DAB1: variants seen among roughly 807,000 people sequenced by gnomAD.
DAB1 encodes the protein disabled homolog 1.
In DAB1, 15 loss-of-function variants were observed where a neutral mutation model predicts 64.6. The ratio of observed to expected loss-of-function variants is 0.23; its 90% CI spans 0.16 to 0.36. The LOEUF (loss-of-function observed/expected upper bound fraction) is 0.36. DAB1 is among the 10% of genes least tolerant of loss of function. DAB1 has a pLI of 1.00. For synonymous variants in DAB1, 235 were observed against 251.9 expected (o/e 0.93, Z 0.64); for missense variants, 596 against 706.7 (o/e 0.84, Z 1.78).
chr1:57,444,493 G>A (rs1221156466), intron 7 of DAB1, among the ~76,000 whole-genome samples: 3 of 152,122 alleles, frequency 2.0e-5, no homozygotes, highest in Non-Finnish European at 4.4e-5. Context: ...TATTGACTAT[G>A]TCCTAATCCC....
intron 4 of DAB1, among the ~76,000 whole-genome samples, chr1:58,166,406 T>G (rs1384584886): frequency 6.6e-6 from 1 of 152,240 alleles, no homozygotes; most frequent in Non-Finnish European, 1.5e-5. Flanking sequence ...ACAAATAGAA[T>G]TGTATGTGAT....
rs939002252 is a variant in DAB1, at chr1:58,146,915, T to G, written n.387+3596A>C. ...AGTGAACATGATATTACCTCACACC[T>G]GTTAGGATGGCTATTATCAAAAAGA... On this transcript the variant is annotated intron_variant and non_coding_transcript_variant, in intron 5 of 20. Coordinates refer to the DAB1 transcript ENST00000485760. 2.4e-4 allele frequency among the ~76,000 whole-genome samples: 37 copies of G among 152,090 alleles called. 1 individual carries two copies. The highest frequency in any genetic ancestry group is 2.8e-4 in the Non-Finnish European group (19 of 68,018).
At chr1:57,830,588 AAT>A (rs1441742087) in intron 1 of DAB1, among the ~76,000 whole-genome samples, 1 of 151,420 alleles carries the variant, frequency 6.6e-6, no homozygotes, top group Non-Finnish European at 1.5e-5. Flanking sequence ...ACACATGAAA[AAT>A]ATATATATAT....
At chr1:57,337,561 G>GT (rs34759218) in intron 1 of DAB1, among the ~76,000 whole-genome samples, 3,266 of 152,040 alleles carry the variant, frequency 0.021, 44 homozygotes, top group South Asian at 0.052. Flanking sequence ...TCTCTCCTAT[G>GT]TTTTTTTTCC....
intron 5 of DAB1, among the ~76,000 whole-genome samples, chr1:58,132,337 C>T (rs141586205): frequency 2.4e-4 from 36 of 152,276 alleles, no homozygotes; most frequent in African/African-American, 8.7e-4. Context: ...TGCACGCACC[C>T]ACTGACCTGC....
At chr1:57,811,581 G>C (rs548817347) in intron 6 of DAB1, among the ~76,000 whole-genome samples, 18 of 152,120 alleles carry the variant, frequency 1.2e-4, no homozygotes, top group Non-Finnish European at 2.1e-4. Flanking sequence ...TCAGTCTTAG[G>C]TTTTTCTTTA....
chr1:57,171,450 C>T (rs569787593), intron 2 of DAB1, among the ~76,000 whole-genome samples: 8 of 152,320 alleles, frequency 5.3e-5, no homozygotes, highest in African/African-American at 1.9e-4. Context: ...AGAGGAGAAA[C>T]AAGTGGCCTA....
In DAB1 at chr1:57,057,903, C is replaced by T. The variant is rs185171062; in HGVS notation, c.723+4981G>A. Among the ~76,000 whole-genome samples, 17 of 152,202 alleles carry T rather than the reference C, an allele frequency of 1.1e-4. No individual in the cohort carries two copies. In the East Asian group the frequency reaches 1.2e-3, roughly 10 times the overall value. On this transcript the variant is annotated intron_variant, in intron 9 of 14. Coordinates refer to ENST00000371236, the MANE Select transcript of DAB1 (RefSeq NM_001365792.1). ...GATTACAGGCATGAGCCACCGCGCC[C>T]GGCCTACTGATTCTTAATTCTATCA...
intron 1 of DAB1, among the ~76,000 whole-genome samples, chr1:57,831,182 G>A (rs2101904381): frequency 6.6e-6 from 1 of 152,238 alleles, no homozygotes; most frequent in Admixed American, 6.5e-5. Context: ...CAAAGTGCTG[G>A]GATTACAGGT....
intron 3 of DAB1, among the ~76,000 whole-genome samples, chr1:58,466,628 G>A (rs544774963): frequency 1.9e-4 from 29 of 152,174 alleles, no homozygotes; most frequent in Non-Finnish European, 3.4e-4. Context: ...AGAGGCTGCC[G>A]TTTCTTGAAA....
intron 4 of DAB1, among the ~76,000 whole-genome samples, chr1:58,161,697 C>T: frequency 6.6e-6 from 1 of 152,064 alleles, no homozygotes; most frequent in Non-Finnish European, 1.5e-5. Flanking sequence ...TCATCATGCC[C>T]ATTTCACAGA....
At chr1:57,884,790 T>G (rs1333434903), upstream of DAB1, among the ~76,000 whole-genome samples, 1 of 152,166 alleles carries the variant, frequency 6.6e-6, no homozygotes, top group Non-Finnish European at 1.5e-5. Flanking sequence ...GGATCCCTCA[T>G]GAAGAGCATG....
intron 7 of DAB1, among the ~76,000 whole-genome samples, chr1:57,540,702 A>G (rs768319988): frequency 1.3e-4 from 20 of 152,232 alleles, no homozygotes; most frequent in Admixed American, 7.2e-4. Context: ...TTAAAGTTAA[A>G]TAAGCCTAGC....
intron 6 of DAB1, among the ~76,000 whole-genome samples, chr1:57,695,297 A>AG (rs1188477944): frequency 4.5e-4 from 25 of 55,868 alleles, no homozygotes; most frequent in African/African-American, 2.2e-3. Flanking sequence ...AGGGAGAGAG[A>AG]AGGAAAGAAA....
intron 9 of DAB1, among the ~76,000 whole-genome samples, chr1:57,057,684 T>C (rs1445378149): frequency 2.0e-5 from 3 of 151,022 alleles, no homozygotes; most frequent in Non-Finnish European, 2.9e-5. Context: ...CTCGGCTCAC[T>C]GCAAGCTCTG....
At chr1:57,805,507 T>G (rs1651319638) in intron 6 of DAB1, among the ~76,000 whole-genome samples, 1 of 152,222 alleles carries the variant, frequency 6.6e-6, no homozygotes, top group East Asian at 1.9e-4. Flanking sequence ...TATAAACTTT[T>G]ATTTTGCATA....
chr1:57,751,749 C>T (rs1648562018), intron 6 of DAB1, among the ~76,000 whole-genome samples: 1 of 152,060 alleles, frequency 6.6e-6, no homozygotes, highest in Admixed American at 6.6e-5. Context: ...GAGATACAGG[C>T]TGAGGGCCGG....
intron 6 of DAB1, among the ~76,000 whole-genome samples, chr1:57,720,064 C>G (rs1351441064): frequency 6.6e-6 from 1 of 152,126 alleles, no homozygotes; most frequent in Non-Finnish European, 1.5e-5. Flanking sequence ...TGATGATTCT[C>G]TAAATTAGAG....
chr1:57,938,579 C>A (rs1372084401), intron 5 of DAB1, among the ~76,000 whole-genome samples: 3 of 152,204 alleles, frequency 2.0e-5, no homozygotes, highest in African/African-American at 7.2e-5. Flanking sequence ...TTCTGTCTTA[C>A]CTCCTGCCAT....
Sources: allele counts gnomAD v4.1 joint callset (sites outside exome capture counted in the v4.1 genomes callset), GRCh38; gene constraint gnomAD v4.1.1; transcripts MANE v1.5; gene names NCBI Gene and HGNC (gene_info 2026-07-23, HGNC 2026-07-21).